FAT3: variants seen among roughly 807,000 people sequenced by gnomAD.
The protein encoded by FAT3 is FAT atypical cadherin 3.
Under a neutral mutation model 310.2 loss-of-function variants are expected in FAT3, and 95 were observed. The observed-to-expected ratio is 0.31, with a 90% CI of 0.26 to 0.36. The LOEUF (loss-of-function observed/expected upper bound fraction) is 0.36. Among genes scored for constraint, FAT3 ranks in the 10% least tolerant of loss-of-function variants. The probability of loss-of-function intolerance (pLI) is 1.00; values close to 1 mark genes in which losing one functional copy is unlikely to be tolerated. For synonymous variants in FAT3, 2,314 were observed against 2,192.9 expected (o/e 1.06, Z -1.54); for missense variants, 5,408 against 5,715.6 (o/e 0.95, Z 1.74).
rs1161137264 is a variant in FAT3, at chr11:92,353,281, C to T, written c.1169C>T (p.Pro390Leu). The change falls in exon 2 of 28, where the codon CCT becomes CTT. Residue 390 changes from proline (P) to leucine (L), a missense_variant. Coordinates refer to ENST00000525166, the MANE Select transcript of FAT3 (RefSeq NM_001367949.2). ...GATGTGAGCATAAGTGAATTTTCCCCTCCTGGTGTCGTGGTTGCTATAGTA... is the reference window on the plus strand; with the variant it reads ...GATGTGAGCATAAGTGAATTTTCCCTTCCTGGTGTCGTGGTTGCTATAGTA... ...VYDVSISEFSPPGVVVAIVKL... is the reference protein window; with the variant it reads ...VYDVSISEFSLPGVVVAIVKL... 6.2e-7 allele frequency: 1 copy of T among 1,613,546 alleles called. No homozygotes were observed. The highest frequency in any genetic ancestry group is 8.5e-7 in the Non-Finnish European group (1 of 1,179,810).
chr11:92,704,912 A>G (rs1473980573), intron 4 of FAT3, among the ~76,000 whole-genome samples: 1 of 152,152 alleles, frequency 6.6e-6, no homozygotes, highest in Non-Finnish European at 1.5e-5. Context: ...AGCAACTACA[A>G]TACAGTAGAA....
intron 4 of FAT3, among the ~76,000 whole-genome samples, chr11:92,753,798 G>GTGTGTGTATATATATA: frequency 3.4e-5 from 4 of 119,116 alleles, no homozygotes; most frequent in Admixed American, 8.0e-5. Context: ...GTGTGTGTGT[G>GTGTGTGTATATATATA]TATATATATA....
chr11:92,885,301 A>G (rs377248558), intron 24 of FAT3, among the ~76,000 whole-genome samples: 2 of 152,208 alleles, frequency 1.3e-5, no homozygotes, highest in East Asian at 3.9e-4. Flanking sequence ...TTACCAGGCC[A>G]TCATTCCACG....
intron 13 of FAT3, among the ~76,000 whole-genome samples, chr11:92,811,589 T>A (rs1179987742): frequency 2.0e-5 from 3 of 152,080 alleles, no homozygotes; most frequent in East Asian, 3.9e-4. Context: ...GATGGCCAGG[T>A]TGGGAGTTGG....
chr11:92,368,851 C>CATACAT (rs1228796512), intron 2 of FAT3, among the ~76,000 whole-genome samples: 13 of 145,868 alleles, frequency 8.9e-5, no homozygotes, highest in Admixed American at 4.8e-4. Flanking sequence ...TATATATACA[C>CATACAT]ACATACACAT....
intron 1 of FAT3, among the ~76,000 whole-genome samples, chr11:92,272,517 A>G (rs1946152292): frequency 6.6e-6 from 1 of 152,088 alleles, no homozygotes; most frequent in Non-Finnish European, 1.5e-5. Flanking sequence ...ATAATATAAT[A>G]TAACCCACAT....
At chr11:92,753,110 G>A (rs1249117355) in intron 4 of FAT3, among the ~76,000 whole-genome samples, 1 of 152,062 alleles carries the variant, frequency 6.6e-6, no homozygotes, top group Non-Finnish European at 1.5e-5. Context: ...CCTAAATCTG[G>A]ACTCTGAGAC....
At chr11:92,496,398 T>C (rs546512617) in intron 2 of FAT3, among the ~76,000 whole-genome samples, 1 of 152,134 alleles carries the variant, frequency 6.6e-6, no homozygotes, top group African/African-American at 2.4e-5. Flanking sequence ...ACCACACTTT[T>C]TATTGCTTCT....
At chr11:92,536,930 T>A (rs930844183) in intron 3 of FAT3, among the ~76,000 whole-genome samples, 2 of 152,164 alleles carry the variant, frequency 1.3e-5, no homozygotes, top group Non-Finnish European at 2.9e-5. Flanking sequence ...TATCCAGATT[T>A]TAGTCCAGAC....
chr11:92,524,891 A>G lies in FAT3; in HGVS notation c.3550A>G (p.Thr1184Ala), dbSNP rs2135362860. The G allele has an allele frequency of 6.2e-6, 10 of 1,613,936 alleles. No individual in the cohort carries two copies. Among genetic ancestry groups the G allele is most frequent in the Non-Finnish European group, 8.5e-6 (10 of 1,179,834 alleles). ...DPDSSSNEKL[T>A]YRITSGNPQN... The stretch of plus-strand genomic sequence containing the variant: ...TGACTCCAGTTCCAATGAAAAACTG[A>G]CATACAGGATTACAAGTGGAAATCC... The change falls in exon 3 of 28, where the codon ACA (threonine) becomes GCA (alanine). Residue 1184 changes from threonine to alanine, a missense_variant. Thr to Ala is a moderately conservative substitution (Grantham distance 58). Coordinates refer to ENST00000525166, the MANE Select transcript of FAT3 (RefSeq NM_001367949.2).
chr11:92,535,638 G>GT (rs1954231789), intron 3 of FAT3, among the ~76,000 whole-genome samples: 1 of 152,112 alleles, frequency 6.6e-6, no homozygotes, highest in African/African-American at 2.4e-5. Flanking sequence ...TAGCTAGATA[G>GT]TTTTTTTGTT....
chr11:92,334,072 G>A (rs1411746761), intron 1 of FAT3, among the ~76,000 whole-genome samples: 2 of 152,136 alleles, frequency 1.3e-5, no homozygotes, highest in Non-Finnish European at 2.9e-5. Flanking sequence ...ATGAAGAAGG[G>A]AGACTAATGA....
At chr11:92,281,610 G>A (rs991437467) in intron 1 of FAT3, among the ~76,000 whole-genome samples, 4 of 152,148 alleles carry the variant, frequency 2.6e-5, no homozygotes, top group Non-Finnish European at 4.4e-5. Context: ...GGGCAGGCAT[G>A]AGTCTTAAGT....
intron 2 of FAT3, among the ~76,000 whole-genome samples, chr11:92,522,658 A>C (rs1371286305): frequency 6.6e-6 from 1 of 152,144 alleles, no homozygotes; most frequent in Non-Finnish European, 1.5e-5. Context: ...TTTGTCTCAC[A>C]AACATTACTT....
chr11:92,334,403 T>C (rs919503635), intron 1 of FAT3, among the ~76,000 whole-genome samples: 3 of 152,166 alleles, frequency 2.0e-5, no homozygotes, highest in African/African-American at 7.2e-5. Flanking sequence ...CATCATTCCA[T>C]TTGGTAGATC....
At chr11:92,591,556 T>C (rs888638229) in intron 3 of FAT3, among the ~76,000 whole-genome samples, 1 of 152,192 alleles carries the variant, frequency 6.6e-6, no homozygotes, top group Admixed American at 6.5e-5. Context: ...ACTAAACTCT[T>C]AATCTCCTTA....
intron 1 of FAT3, among the ~76,000 whole-genome samples, chr11:92,317,578 A>G (rs11019903): frequency 6.8e-4 from 104 of 152,346 alleles, no homozygotes; most frequent in African/African-American, 2.5e-3. Context: ...GTTGGAGTGA[A>G]GTCTATTGCA....
chr11:92,648,519 G>A (rs1942247436), intron 3 of FAT3, among the ~76,000 whole-genome samples: 2 of 152,238 alleles, frequency 1.3e-5, no homozygotes, highest in Admixed American at 6.5e-5. Context: ...AGGTCCAAAT[G>A]CCTGGCCTGC....
At position 92,391,242 on chromosome 11, in the gene FAT3, G is replaced by A. The variant is rs189548808; in HGVS notation, c.3292+35838G>A. ...CGATGTTTGATAATGCCAGAGCCCA[G>A]AGTGGACAGACTCTAAGTGGTATCT... On this transcript the variant is annotated intron_variant, in intron 2 of 27. Transcript: ENST00000525166. Among the ~76,000 whole-genome samples, 358 of 152,248 alleles carry A rather than the reference G, an allele frequency of 2.4e-3. 1 individual carries two copies. The highest frequency in any genetic ancestry group is 0.011 in the South Asian group (52 of 4,822).
Sources: allele counts gnomAD v4.1 joint callset (sites outside exome capture counted in the v4.1 genomes callset), GRCh38; gene constraint gnomAD v4.1.1; transcripts MANE v1.5; gene names NCBI Gene and HGNC (gene_info 2026-07-23, HGNC 2026-07-21).